Variants in GALNT13 observed in about 807,000 individuals in gnomAD.
GALNT13 encodes UDP-GalNAc:polypeptide N-acetylgalactosaminyltransferase 13.
A neutral mutation model predicts 64.2 loss-of-function variants in GALNT13; 28 were observed. The ratio of observed to expected loss-of-function variants is 0.44; its 90% CI spans 0.32 to 0.60. GALNT13 has a LOEUF of 0.60. Ranked by LOEUF, GALNT13 falls within the 20% of genes least tolerant of loss-of-function variation. GALNT13 has a pLI of 0.05. For synonymous variants in GALNT13, 214 were observed against 224.6 expected (o/e 0.95, Z 0.42); for missense variants, 577 against 669.8 (o/e 0.86, Z 1.53).
chr2:154,312,891 T>A (rs1694124921), intron 9 of GALNT13, among the ~76,000 whole-genome samples: 1 of 152,146 alleles, frequency 6.6e-6, no homozygotes, highest in Admixed American at 6.6e-5. Flanking sequence ...ATTATTAGCT[T>A]GACAGTTAAA....
intron 2 of GALNT13, among the ~76,000 whole-genome samples, chr2:153,937,796 T>G (rs2105370587): frequency 6.6e-6 from 1 of 152,252 alleles, no homozygotes; most frequent in Admixed American, 6.5e-5. Context: ...GAGTACACGG[T>G]TTATGGCCAA....
chr2:154,242,808 G>C lies in GALNT13; in HGVS notation c.589G>C (p.Ala197Pro). ...GLIRARLRGA[A>P]ASKGQVITFL... ...AATACGTGCCCGTCTTCGAGGAGCA[G>C]CTGCTTCAAAAGGGCAGGTCATAAC... is the stretch of plus-strand genomic sequence containing the variant. The change falls in exon 6 of 13, where the codon GCT becomes CCT. Residue 197 changes from alanine to proline, a missense_variant. Physicochemically the swap from Ala to Pro is conservative, Grantham distance 27. Coordinates refer to ENST00000392825, the MANE Select transcript of GALNT13 (RefSeq NM_052917.4). The C allele has an allele frequency of 1.2e-6, 2 of 1,614,124 alleles. No homozygotes were observed. The highest frequency in any genetic ancestry group is 1.7e-6 in the Non-Finnish European group (2 of 1,179,954).
At chr2:153,633,254 C>T in the GALNT13 span, among the ~76,000 whole-genome samples, 4 of 152,112 alleles carry the variant, frequency 2.6e-5, no homozygotes, top group African/African-American at 7.2e-5. Flanking sequence ...CCCTATCCCT[C>T]AGGTTGTATT....
intron 1 of GALNT13, among the ~76,000 whole-genome samples, chr2:153,882,908 G>T (rs1247095889): frequency 1.3e-5 from 2 of 151,292 alleles, no homozygotes; most frequent in African/African-American, 4.8e-5. Context: ...AAGATATAAT[G>T]TAGGAACAAA....
chr2:153,475,911 C>T, the GALNT13 span, among the ~76,000 whole-genome samples: 3 of 152,160 alleles, frequency 2.0e-5, no homozygotes, highest in East Asian at 1.9e-4. Flanking sequence ...CAGATTAACT[C>T]GGTGCCACAG....
chr2:153,809,337 G>A, the GALNT13 span, among the ~76,000 whole-genome samples: 2 of 152,116 alleles, frequency 1.3e-5, no homozygotes, highest in Non-Finnish European at 2.9e-5. Flanking sequence ...GAAAAACAGA[G>A]ATGTGTGGTT....
At chr2:154,185,131 T>C (rs1255543057) in intron 4 of GALNT13, among the ~76,000 whole-genome samples, 6 of 152,122 alleles carry the variant, frequency 3.9e-5, no homozygotes, top group Non-Finnish European at 7.4e-5. Context: ...AATTTCCTAG[T>C]GGGCAGTTAT....
the GALNT13 span, among the ~76,000 whole-genome samples, chr2:153,595,184 A>G: frequency 6.6e-6 from 1 of 152,030 alleles, no homozygotes; most frequent in Non-Finnish European, 1.5e-5. Context: ...AGGTTTACTT[A>G]TATGATTTGA....
chr2:154,080,899 A>G (rs1213613678), intron 3 of GALNT13, among the ~76,000 whole-genome samples: 1 of 151,530 alleles, frequency 6.6e-6, no homozygotes, highest in Non-Finnish European at 1.5e-5. Flanking sequence ...TTATCCATCT[A>G]GTTTCTAAGA....
chr2:153,559,749 G>GAAAT, the GALNT13 span, among the ~76,000 whole-genome samples: 2 of 152,000 alleles, frequency 1.3e-5, no homozygotes, highest in South Asian at 4.1e-4. Context: ...TTGGAAAATA[G>GAAAT]CGATATTCTA....
the GALNT13 span, among the ~76,000 whole-genome samples, chr2:153,350,083 T>G: frequency 1.3e-5 from 2 of 152,218 alleles, no homozygotes; most frequent in African/African-American, 4.8e-5. Context: ...GCTTCTTTGG[T>G]GATTAGCTCA....
chr2:153,718,779 T>A, the GALNT13 span, among the ~76,000 whole-genome samples: 8 of 152,198 alleles, frequency 5.3e-5, no homozygotes, highest in African/African-American at 1.7e-4. Flanking sequence ...CACATTCTGC[T>A]GACCTCACAG....
At chr2:153,658,951 T>C in the GALNT13 span, among the ~76,000 whole-genome samples, 3 of 152,104 alleles carry the variant, frequency 2.0e-5, no homozygotes, top group African/African-American at 7.2e-5. Flanking sequence ...ATTTGTCATT[T>C]CAATATAATA....
the GALNT13 span, among the ~76,000 whole-genome samples, chr2:153,178,164 A>C: frequency 3.3e-5 from 5 of 152,238 alleles, no homozygotes; most frequent in Admixed American, 6.5e-5. Context: ...GTTGGCAATA[A>C]ATAGAAGAGT....
chr2:153,825,456 G>T, the GALNT13 span, among the ~76,000 whole-genome samples: 1 of 152,136 alleles, frequency 6.6e-6, no homozygotes, highest in African/African-American at 2.4e-5. Flanking sequence ...CACTATCTTA[G>T]AATTAAGTAA....
At chr2:154,266,316 G>A (rs992764399) in intron 8 of GALNT13, among the ~76,000 whole-genome samples, 1 of 152,076 alleles carries the variant, frequency 6.6e-6, no homozygotes, top group African/African-American at 2.4e-5. Flanking sequence ...CCATATTAGG[G>A]AGGAAAAATT....
the GALNT13 span, among the ~76,000 whole-genome samples, chr2:153,660,749 A>G: frequency 6.6e-6 from 1 of 152,042 alleles, no homozygotes; most frequent in Non-Finnish European, 1.5e-5. Context: ...TTGAAGGAGC[A>G]GTCCCTATTT....
chr2:154,214,137 A>G (rs1687920880), intron 4 of GALNT13, among the ~76,000 whole-genome samples: 1 of 152,164 alleles, frequency 6.6e-6, no homozygotes, highest in East Asian at 1.9e-4. Context: ...ATCCACTGTA[A>G]GATCCTTTCT....
chr2:153,245,044 C>T, the GALNT13 span, among the ~76,000 whole-genome samples: 1,283 of 152,320 alleles, frequency 8.4e-3, 15 homozygotes, highest in African/African-American at 0.029. Flanking sequence ...GTGGCAAAGC[C>T]GCTGTGACCA....
Sources: gnomAD v4.1 joint callset for allele counts (sites outside exome capture counted in the v4.1 genomes callset) on GRCh38, gnomAD v4.1.1 for gene constraint, MANE v1.5 for transcripts, NCBI Gene and HGNC (gene_info 2026-07-23, HGNC 2026-07-21) for gene names.